PAWR: variants seen among roughly 807,000 people sequenced by gnomAD.
PAWR encodes the protein pro-apoptotic WT1 regulator.
Under a neutral mutation model 32.0 loss-of-function variants are expected in PAWR, and 23 were observed. The observed-to-expected ratio is 0.72, with a 90% CI of 0.52 to 1.02. The LOEUF is 1.02. Ranked by LOEUF, PAWR falls within the 50% of genes least tolerant of loss-of-function variation. The pLI, the probability that PAWR is intolerant of heterozygous loss-of-function variation, is 0.00. For missense variants in PAWR, 457 were observed against 437.7 expected, an observed-to-expected ratio of 1.04 and a Z score of -0.39; for synonymous variants, 226 against 187.1, an observed-to-expected ratio of 1.21 and a Z score of -1.70.
intron 2 of PAWR, among the ~76,000 whole-genome samples, chr12:79,673,920 A>G (rs1347738629): frequency 6.6e-6 from 1 of 152,196 alleles, no homozygotes; most frequent in African/African-American, 2.4e-5. Context: ...AAAGTAATGG[A>G]AAAACATCCC....
intron 3 of PAWR, among the ~76,000 whole-genome samples, chr12:79,617,686 T>TA (rs1874805930): frequency 6.6e-6 from 1 of 152,222 alleles, no homozygotes; most frequent in African/African-American, 2.4e-5. Flanking sequence ...TACATGTATA[T>TA]ATTATGGAAG....
chr12:79,612,787 G>A (rs1235835159), intron 4 of PAWR, among the ~76,000 whole-genome samples: 1 of 152,160 alleles, frequency 6.6e-6, no homozygotes. Flanking sequence ...CAACAGGGAA[G>A]AAGGAAGTGA....
chr12:79,626,013 A>C lies in PAWR; in HGVS notation c.517-4806T>G, dbSNP rs1394400411. The stretch of plus-strand genomic sequence containing the variant: ...CCCCATCTCTACTAAAAATACAAAA[A>C]ACTAGCCAGGCGTGGTGGCACGCGC... On this transcript the variant is annotated intron_variant, in intron 2 of 6. Transcript: ENST00000328827. Among the ~76,000 whole-genome samples, 3 of 143,490 alleles carry C rather than the reference A, an allele frequency of 2.1e-5. No homozygotes were observed. The East Asian group carries it at 6.8e-4, about 32-fold the overall frequency. The allele number at this position is 143,490 out of a possible 152,430, so 94.1% of individuals were successfully genotyped here.
At chr12:79,643,109 T>C (rs1402087269) in intron 2 of PAWR, among the ~76,000 whole-genome samples, 1 of 152,204 alleles carries the variant, frequency 6.6e-6, no homozygotes, top group Admixed American at 6.5e-5. Context: ...CCCTATTTTC[T>C]ATACTATGTA....
chr12:79,614,334 T>C (rs1159230838), intron 3 of PAWR, among the ~76,000 whole-genome samples: 2 of 151,804 alleles, frequency 1.3e-5, no homozygotes, highest in Non-Finnish European at 1.5e-5. Context: ...TATCTCCCTT[T>C]GTCTTTTTTA....
Position 79,589,263 on chromosome 12 carries a change from T to G in PAWR, c.*3344A>C, listed in dbSNP as rs536609494. 6.6e-6 allele frequency: 1 copy of G among 152,110 alleles called. No homozygotes were observed. Among genetic ancestry groups the G allele is most frequent in the Admixed American group, 6.5e-5 (1 of 15,278 alleles). The allele number at this position is 152,110 out of a possible 1,614,324, so 9.4% of individuals were successfully genotyped here. On this transcript the variant is annotated 3_prime_UTR_variant, in exon 7 of 7. Coordinates refer to ENST00000328827, the MANE Select transcript of PAWR (RefSeq NM_002583.4). ...ATTATCAAATCCAAGGTCTCTGCTG[T>G]TTTGTCTTACAGTGTTGAATATATG...
In PAWR at chr12:79,594,341, A is replaced by C. The variant is rs772514947; in HGVS notation, c.924T>G (p.Asp308Glu). 2.7e-6 allele frequency: 4 copies of C among 1,466,992 alleles called. No homozygotes were observed. The African/African-American group carries it at 4.2e-5, about 15-fold the overall frequency. 90.9% of individuals were successfully genotyped at this position (1,466,992 alleles called of 1,614,324 possible). A position where few individuals can be genotyped will look rare whatever the true frequency, so the allele number is the denominator to read the frequency against. Residue 308 changes from aspartate (D) to glutamate (E), a missense_variant, in exon 6 of 7, where the codon GAT becomes GAG. By Grantham distance (45) the Asp-to-Glu change is conservative. Coordinates refer to ENST00000328827, the MANE Select transcript of PAWR (RefSeq NM_002583.4). ...EMIGKLKEEI[D>E]LLNRDLDDIE... ...GTGAAATACTTACTCTATTTAATAA[A>C]TCAATTTCTTCTTTGAGTTTTCCAA... is the stretch of plus-strand genomic sequence containing the variant.
intron 2 of PAWR, among the ~76,000 whole-genome samples, chr12:79,670,844 T>C (rs1453162194): frequency 6.6e-6 from 1 of 151,122 alleles, no homozygotes; most frequent in Non-Finnish European, 1.5e-5. Flanking sequence ...ATAATTTCCA[T>C]ATCAGAATAT....
At chr12:79,646,052 C>A (rs1353292285) in intron 2 of PAWR, among the ~76,000 whole-genome samples, 1 of 152,084 alleles carries the variant, frequency 6.6e-6, no homozygotes, top group African/African-American at 2.4e-5. Flanking sequence ...ATACTTGAAA[C>A]CAGAAGTGTT....
chr12:79,682,112 T>G (rs887545491), intron 2 of PAWR, among the ~76,000 whole-genome samples: 5 of 152,198 alleles, frequency 3.3e-5, no homozygotes, highest in Non-Finnish European at 5.9e-5. Flanking sequence ...TATATTATTA[T>G]GTTTATTTAT....
In PAWR at chr12:79,653,519, G is replaced by T. The variant is rs188168219; in HGVS notation, c.517-32312C>A. ...TTTGAGGCAGAGTTTCGCTCTTGTT[G>T]CCCAGGCTGGAGTGCAATGGCACGA... On this transcript the variant is annotated intron_variant, in intron 2 of 6. Coordinates refer to ENST00000328827, the MANE Select transcript of PAWR (RefSeq NM_002583.4). Among the ~76,000 whole-genome samples the T allele has an allele frequency of 1.7e-3, 259 of 152,182 alleles. 1 individual carries two copies. Among genetic ancestry groups the T allele is most frequent in the African/African-American group, 6.0e-3 (249 of 41,520 alleles).
intron 2 of PAWR, among the ~76,000 whole-genome samples, chr12:79,639,827 CTTTTCCATTCCTATTCCT>C (rs1475620220): frequency 2.9e-5 from 4 of 137,636 alleles, no homozygotes; most frequent in African/African-American, 1.0e-4. Context: ...TTTCCTTTTC[CTTTTCCATTCCTATTCCT>C]ATTCCTATTC....
chr12:79,618,617 T>C (rs1200884600), intron 3 of PAWR, among the ~76,000 whole-genome samples: 1 of 152,234 alleles, frequency 6.6e-6, no homozygotes, highest in Admixed American at 6.5e-5. Context: ...TAATCACCAT[T>C]CTACTCTCTA....
At position 79,689,844 on chromosome 12, in the gene PAWR, G is replaced by A. The variant is rs765146774; in HGVS notation, c.401C>T (p.Pro134Leu). The A allele has an allele frequency of 6.3e-7, 1 of 1,588,018 alleles. No homozygotes were observed. The highest frequency in any genetic ancestry group is 1.7e-5 in the Admixed American group (1 of 57,502). The change falls in exon 2 of 7, where the codon CCA (proline) becomes CTA (leucine). Residue 134 changes from proline (P) to leucine (L), a missense_variant. Transcript: ENST00000328827. ...QRDEEEPDGV[P>L]EKGKSSGPSA... ...GGGGCCCGAGCTCTTGCCCTTCTCT[G>A]GGACGCCGTCCGGCTCCTCCTCGTC... is the stretch of plus-strand genomic sequence containing the variant.
At chr12:79,618,139 T>C (rs938751805) in intron 3 of PAWR, among the ~76,000 whole-genome samples, 1 of 152,124 alleles carries the variant, frequency 6.6e-6, no homozygotes, top group African/African-American at 2.4e-5. Context: ...TTTTTTTTGT[T>C]TCTTTTTTTG....
chr12:79,626,672 G>A (rs1875343149), intron 2 of PAWR, among the ~76,000 whole-genome samples: 2 of 151,020 alleles, frequency 1.3e-5, no homozygotes, highest in Non-Finnish European at 2.9e-5. Context: ...CATGTGCCAT[G>A]TTGGTGTGCT....
intron 4 of PAWR, among the ~76,000 whole-genome samples, chr12:79,605,899 C>T (rs1874162213): frequency 6.6e-6 from 1 of 152,040 alleles, no homozygotes; most frequent in Non-Finnish European, 1.5e-5. Flanking sequence ...CATGGTGAAA[C>T]CCTATCTCTA....
At chr12:79,618,890 C>T (rs1316075094) in intron 3 of PAWR, among the ~76,000 whole-genome samples, 1 of 151,932 alleles carries the variant, frequency 6.6e-6, no homozygotes, top group African/African-American at 2.4e-5. Context: ...ATAATTACTA[C>T]TCCATACTAA....
rs991973483 is a variant in PAWR, at chr12:79,590,618, G to A, written c.*1989C>T. ...AACCCATATACTAATATATTTTAAG[G>A]TTGGATACTAACAGCATTTTCACAA... On this transcript the variant is annotated 3_prime_UTR_variant, in exon 7 of 7. Transcript: ENST00000328827. 2 of 152,102 alleles carry A rather than the reference G, an allele frequency of 1.3e-5. No homozygotes were observed. The highest frequency in any genetic ancestry group is 6.6e-5 in the Admixed American group (1 of 15,266). The allele number at this position is 152,102 out of a possible 1,614,324, so 9.4% of individuals were successfully genotyped here.
Sources: allele counts gnomAD v4.1 joint callset (sites outside exome capture counted in the v4.1 genomes callset), GRCh38; gene constraint gnomAD v4.1.1; transcripts MANE v1.5; gene names NCBI Gene and HGNC (gene_info 2026-07-23, HGNC 2026-07-21).